Variants in ALPK2 observed in about 807,000 individuals in gnomAD.
ALPK2 encodes the protein alpha-protein kinase 2.
Under a neutral mutation model 163.1 loss-of-function variants are expected in ALPK2, and 127 were observed. The observed-to-expected ratio is 0.78, with a 90% CI of 0.67 to 0.90. The LOEUF is 0.90. Ranked by LOEUF, ALPK2 falls within the 40% of genes least tolerant of loss-of-function variation. The pLI is 0.00. For synonymous variants in ALPK2, 953 were observed against 959.1 expected (o/e 0.99, Z 0.12); for missense variants, 2,360 against 2,589.6 (o/e 0.91, Z 1.92).
chr18:58,482,872 C>T (rs1405826074), intron 12 of ALPK2, among the ~76,000 whole-genome samples: 1 of 152,156 alleles, frequency 6.6e-6, no homozygotes, highest in Non-Finnish European at 1.5e-5. Flanking sequence ...GAACAAGATC[C>T]ATCAAAAAAT....
Position 58,529,144 on chromosome 18 carries a change from A to G in ALPK2, c.5448T>C (p.Asp1816=), listed in dbSNP as rs1875323823. The G allele has an allele frequency of 2.5e-6, 4 of 1,614,036 alleles. No individual in the cohort carries two copies. The highest frequency in any genetic ancestry group is 2.7e-5 in the African/African-American group (2 of 74,938). The change falls in exon 6 of 13, where the codon GAT becomes GAC. Residue 1816 remains aspartate, a synonymous_variant. Coordinates refer to ENST00000361673, the MANE Select transcript of ALPK2 (RefSeq NM_052947.4). The stretch of plus-strand genomic sequence containing the variant: ...AATCTTTTGTCCAGCAGATAGTAGA[A>G]TCTTCATGAATTTCTGCAAATTGGC... ...LSCQFAEIHE[D]STICWTKDSK...
chr18:58,511,877 C>T (rs1223915575), intron 10 of ALPK2: 1 of 152,214 alleles, frequency 6.6e-6, no homozygotes, highest in African/African-American at 2.4e-5. Context: ...GAACAGTGTC[C>T]TTCTAGAACC....
chr18:58,508,331 C>G (rs983990209), intron 10 of ALPK2, among the ~76,000 whole-genome samples: 1 of 152,130 alleles, frequency 6.6e-6, no homozygotes, highest in Non-Finnish European at 1.5e-5. Flanking sequence ...ATGTGTGAAC[C>G]AGAGCAGCTC....
In ALPK2 at chr18:58,578,856, T is replaced by TA. The variant is rs759377765; in HGVS notation, c.1919dup (p.Phe641IlefsTer2). The TA allele has an allele frequency of 9.3e-6, 15 of 1,613,876 alleles. No homozygotes were observed. The highest frequency in any genetic ancestry group is 1.2e-5 in the Non-Finnish European group (14 of 1,180,016). Reference sequence around the variant, plus strand: ...AGTCTGGAACCTGGCTTGTTTCAAATAGAGTATTAACTTGCATGCCTTCTC... The same window carrying TA: ...AGTCTGGAACCTGGCTTGTTTCAAATAAGAGTATTAACTTGCATGCCTTCTC... On this transcript the variant is annotated frameshift_variant, in exon 4 of 13. Transcript: ENST00000361673. LOFTEE classifies it high-confidence loss of function.
intron 3 of ALPK2, among the ~76,000 whole-genome samples, chr18:58,606,542 G>C (rs1439419147): frequency 6.6e-6 from 1 of 152,176 alleles, no homozygotes; most frequent in Non-Finnish European, 1.5e-5. Context: ...TAAGCAACTG[G>C]CCAAGGTCAT....
chr18:58,500,471 CT>C (rs1435585287), intron 11 of ALPK2, among the ~76,000 whole-genome samples: 1 of 151,998 alleles, frequency 6.6e-6, no homozygotes, highest in African/African-American at 2.4e-5. Flanking sequence ...AAACTTCCCC[CT>C]GTCAGTTTAA....
intron 11 of ALPK2, among the ~76,000 whole-genome samples, chr18:58,502,058 T>C (rs975156979): frequency 6.6e-6 from 1 of 151,130 alleles, no homozygotes; most frequent in African/African-American, 2.4e-5. Flanking sequence ...CCCAGCACTT[T>C]GGGAGGCCAA....
rs1232400212 is a variant in ALPK2 at position 58,536,847 on chromosome 18, C to T, written c.3340G>A (p.Val1114Met). The change falls in exon 5 of 13, where the codon GTG becomes ATG. Residue 1114 changes from valine to methionine, a missense_variant. By Grantham distance (21) the Val-to-Met change is conservative. Coordinates refer to ENST00000361673, the MANE Select transcript of ALPK2 (RefSeq NM_052947.4). ...TAGCTCCTAAAGTCTGCTCTGTCCA[C>T]AGTCTGGCTCTTATCTCCAGACAGG... ...DNLSGDKSQT[V>M]DRADFRSYEE... The T allele has an allele frequency of 1.2e-5, 19 of 1,614,064 alleles. No homozygotes were observed. Among genetic ancestry groups the T allele is most frequent in the Non-Finnish European group, 1.4e-5 (16 of 1,180,038 alleles).
intron 8 of ALPK2, among the ~76,000 whole-genome samples, chr18:58,521,919 G>C (rs1307411363): frequency 6.6e-6 from 1 of 151,982 alleles, no homozygotes; most frequent in Non-Finnish European, 1.5e-5. Flanking sequence ...GAGCCACCGC[G>C]CCTGGCCTAT....
chr18:58,534,768 A>C, intron 5 of ALPK2, 66 bp downstream of exon 5: 1 of 1,527,344 alleles, frequency 6.5e-7, no homozygotes, highest in Non-Finnish European at 8.7e-7. Flanking sequence ...CCTCGAGGAC[A>C]CAGGAACTGG....
At chr18:58,618,057 A>T (rs759861015) in intron 1 of ALPK2, among the ~76,000 whole-genome samples, 52 of 152,020 alleles carry the variant, frequency 3.4e-4, no homozygotes, top group Non-Finnish European at 6.9e-4. Flanking sequence ...ATATATATAT[A>T]TTTTTGAGAT....
intron 1 of ALPK2, among the ~76,000 whole-genome samples, chr18:58,627,365 A>G (rs988893862): frequency 2.0e-5 from 3 of 152,240 alleles, no homozygotes; most frequent in African/African-American, 7.2e-5. Context: ...TCACGCCTGT[A>G]ATCCCAAGAC....
At chr18:58,618,785 C>T (rs370184722) in intron 1 of ALPK2, among the ~76,000 whole-genome samples, 2 of 152,100 alleles carry the variant, frequency 1.3e-5, no homozygotes, top group African/African-American at 4.8e-5. Flanking sequence ...TTTCCCCCTG[C>T]ACCCCTGCAA....
intron 3 of ALPK2, among the ~76,000 whole-genome samples, chr18:58,598,653 C>G (rs370786481): frequency 3.3e-5 from 5 of 152,324 alleles, no homozygotes; most frequent in African/African-American, 1.2e-4. Context: ...CCGGGACTCA[C>G]AGGGCCTGAT....
At chr18:58,491,135 T>G (rs928303193) in intron 12 of ALPK2, among the ~76,000 whole-genome samples, 1 of 152,186 alleles carries the variant, frequency 6.6e-6, no homozygotes, top group African/African-American at 2.4e-5. Flanking sequence ...AAATTATAAC[T>G]GAGAAAATTG....
chr18:58,552,038 A>G (rs1177588031), intron 4 of ALPK2, among the ~76,000 whole-genome samples: 2 of 152,042 alleles, frequency 1.3e-5, no homozygotes, highest in Non-Finnish European at 2.9e-5. Context: ...TTCCCACCCA[A>G]CCCCATCAGT....
In ALPK2 at chr18:58,579,217, ACT is replaced by A. The variant is rs2051940932; in HGVS notation, c.1557_1558del (p.Arg519SerfsTer53). The A allele has an allele frequency of 1.2e-6, 2 of 1,612,514 alleles. No homozygotes were observed. Among genetic ancestry groups the A allele is most frequent in the South Asian group, 1.1e-5 (1 of 90,982 alleles). ...CTTGCTCCATAAGTCCTTTCCCCCC[ACT>A]CTCTTGTCAGCTGCCGTCTCCCAAC... On this transcript the variant is annotated frameshift_variant, in exon 4 of 13. Transcript: ENST00000361673. LOFTEE classifies it high-confidence loss of function.
chr18:58,513,487 G>A (rs77224349), intron 10 of ALPK2, among the ~76,000 whole-genome samples: 2,038 of 152,270 alleles, frequency 0.013, 40 homozygotes, highest in African/African-American at 0.045. Flanking sequence ...TGATGCTAAT[G>A]CAGCAAATGA....
Position 58,538,125 on chromosome 18 carries a change from T to C in ALPK2, c.2062A>G (p.Thr688Ala). 6.2e-7 allele frequency: 1 copy of C among 1,614,152 alleles called. No individual in the cohort carries two copies. Among genetic ancestry groups the C allele is most frequent in the Non-Finnish European group, 8.5e-7 (1 of 1,180,036 alleles). ...GEESPFTGTT[T>A]ISFSNLGGVH... Reference sequence around the variant, plus strand: ...CCTCCTAAGTTTGAGAAGGAAATTGTTGTGGTCCCAGTGAATGGGGACTCC... The same window carrying C: ...CCTCCTAAGTTTGAGAAGGAAATTGCTGTGGTCCCAGTGAATGGGGACTCC... The change falls in exon 5 of 13, where the codon ACA becomes GCA. Residue 688 changes from threonine (T) to alanine (A), a missense_variant. Thr to Ala is a moderately conservative substitution (Grantham distance 58). Transcript: ENST00000361673.
Sources: allele counts gnomAD v4.1 joint callset (sites outside exome capture counted in the v4.1 genomes callset), GRCh38; gene constraint gnomAD v4.1.1; transcripts MANE v1.5; gene names NCBI Gene and HGNC (gene_info 2026-07-23, HGNC 2026-07-21).